The following NOS1AP variants were observed in gnomAD, a reference collection of about 807,000 sequenced individuals.
NOS1AP encodes nitric oxide synthase 1 adaptor protein.
A neutral mutation model predicts 56.2 loss-of-function variants in NOS1AP; 21 were observed. The ratio of observed to expected loss-of-function variants is 0.37; its 90% CI spans 0.26 to 0.54. The LOEUF (loss-of-function observed/expected upper bound fraction) is 0.54. NOS1AP is among the 20% of genes least tolerant of loss of function. The pLI, the probability that NOS1AP is intolerant of heterozygous loss-of-function variation, is 0.84. For synonymous variants in NOS1AP, 270 were observed against 274.6 expected (o/e 0.98, Z 0.17); for missense variants, 522 against 657.8 (o/e 0.79, Z 2.26).
chr1:162,158,622 T>C (rs1174236522), intron 2 of NOS1AP, among the ~76,000 whole-genome samples: 1 of 152,238 alleles, frequency 6.6e-6, no homozygotes, highest in Non-Finnish European at 1.5e-5. Context: ...CCTTGTTTAT[T>C]GTTTACCAGA....
At chr1:162,306,908 A>T (rs1655851300) in intron 4 of NOS1AP, among the ~76,000 whole-genome samples, 2 of 151,904 alleles carry the variant, frequency 1.3e-5, no homozygotes, top group Non-Finnish European at 2.9e-5. Context: ...CAGAGTGAGA[A>T]CCTGAGAGGC....
chr1:162,101,597 G>A (rs1262759259), intron 1 of NOS1AP, among the ~76,000 whole-genome samples: 1 of 152,124 alleles, frequency 6.6e-6, no homozygotes, highest in African/African-American at 2.4e-5. Flanking sequence ...CCATTTGTTT[G>A]TGTCCTCTCT....
At chr1:162,105,678 C>A (rs1254712921) in intron 1 of NOS1AP, among the ~76,000 whole-genome samples, 1 of 152,234 alleles carries the variant, frequency 6.6e-6, no homozygotes, top group African/African-American at 2.4e-5. Context: ...AAGAAGAAGT[C>A]TGGCCACGAT....
At chr1:162,321,304 G>A (rs1656405440) in intron 4 of NOS1AP, among the ~76,000 whole-genome samples, 1 of 152,094 alleles carries the variant, frequency 6.6e-6, no homozygotes, top group South Asian at 2.1e-4. Flanking sequence ...CAATAGCAAA[G>A]ACTTGGAACC....
chr1:162,236,103 C>T (rs945877070), intron 2 of NOS1AP, among the ~76,000 whole-genome samples: 7 of 152,110 alleles, frequency 4.6e-5, no homozygotes, highest in African/African-American at 1.7e-4. Context: ...TCATTCGTTC[C>T]ACAGATGTTA....
At chr1:162,339,288 G>A (rs1268854457) in intron 5 of NOS1AP, among the ~76,000 whole-genome samples, 1 of 152,074 alleles carries the variant, frequency 6.6e-6, no homozygotes, top group East Asian at 1.9e-4. Context: ...GCTGCTAATA[G>A]AAAATGGCTT....
Position 162,296,835 on chromosome 1 carries a change from T to G in NOS1AP, c.271-3798T>G, listed in dbSNP as rs148860776. 1.3e-3 allele frequency among the ~76,000 whole-genome samples: 194 copies of G among 152,334 alleles called. 2 individuals carry two copies. The highest frequency in any genetic ancestry group is 4.1e-3 in the African/African-American group (171 of 41,576). ...GGAAGAAACATGAACTGGCGCCCGA[T>G]GCATCCTCTCCCTCAGTGTTGCCAC... On this transcript the variant is annotated intron_variant, in intron 3 of 9. Coordinates refer to ENST00000361897, the MANE Select transcript of NOS1AP (RefSeq NM_014697.3).
intron 1 of NOS1AP, among the ~76,000 whole-genome samples, chr1:162,130,644 G>C (rs1398522055): frequency 6.6e-6 from 1 of 152,150 alleles, no homozygotes; most frequent in Admixed American, 6.5e-5. Flanking sequence ...GGCTTTTCTA[G>C]AGGCTTTTTA....
intron 2 of NOS1AP, among the ~76,000 whole-genome samples, chr1:162,229,295 A>G (rs1653043853): frequency 6.6e-6 from 1 of 152,206 alleles, no homozygotes; most frequent in African/African-American, 2.4e-5. Flanking sequence ...TTAGTAAGAT[A>G]CTGGTTAGAT....
In NOS1AP at chr1:162,261,342, G is replaced by A. The variant is rs889870910; in HGVS notation, c.178-26002G>A. Among the ~76,000 whole-genome samples, 6 of 137,034 alleles carry A rather than the reference G, an allele frequency of 4.4e-5. 1 individual carries two copies. Among genetic ancestry groups the A allele is most frequent in the African/African-American group, 1.1e-4 (4 of 35,444 alleles). The allele number at this position is 137,034 out of a possible 152,430, so 89.9% of individuals were successfully genotyped here. On this transcript the variant is annotated intron_variant, in intron 2 of 9. Transcript: ENST00000361897. ...TATCCTGATGTTACCTTCTATGGCA[G>A]CAGGGAGTTTGCAGATTCTTAATGT...
At chr1:162,226,302 G>A (rs1652939346) in intron 2 of NOS1AP, among the ~76,000 whole-genome samples, 1 of 152,098 alleles carries the variant, frequency 6.6e-6, no homozygotes, top group African/African-American at 2.4e-5. Context: ...GAAAAGAAAT[G>A]TTTATTGATT....
chr1:162,310,291 T>C (rs766648718), intron 4 of NOS1AP, among the ~76,000 whole-genome samples: 1 of 152,252 alleles, frequency 6.6e-6, no homozygotes, highest in Admixed American at 6.5e-5. Context: ...GGTTTATAAG[T>C]GATGGGGTGA....
intron 2 of NOS1AP, among the ~76,000 whole-genome samples, chr1:162,254,726 T>C (rs1273282016): frequency 6.6e-6 from 1 of 152,222 alleles, no homozygotes; most frequent in Non-Finnish European, 1.5e-5. Flanking sequence ...TGCCATAGTT[T>C]ATAGCATATT....
intron 1 of NOS1AP, among the ~76,000 whole-genome samples, chr1:162,088,061 T>C (rs544302674): frequency 8.8e-4 from 134 of 152,224 alleles, no homozygotes; most frequent in Non-Finnish European, 1.6e-3. Flanking sequence ...CAGAACTCTA[T>C]AGGGTCAAAT....
At chr1:162,356,935 G>A in intron 7 of NOS1AP, 25 bp from the exon 8 acceptor site, 2 of 1,613,856 alleles carry the variant, frequency 1.2e-6, no homozygotes, top group Non-Finnish European at 8.5e-7. Context: ...CACATGTCAT[G>A]TCCTGTCTTC....
rs561935461 is a variant in NOS1AP, at chr1:162,154,025, A to G, written c.106-380A>G. Reference sequence around the variant, plus strand: ...TTTGCCAATCACTTTTGTGTAGGACATTTTATTCTGTTTGATCTTTACTGA... The same window carrying G: ...TTTGCCAATCACTTTTGTGTAGGACGTTTTATTCTGTTTGATCTTTACTGA... On this transcript the variant is annotated intron_variant, in intron 1 of 9. Coordinates refer to ENST00000361897, the MANE Select transcript of NOS1AP (RefSeq NM_014697.3). Among the ~76,000 whole-genome samples, 4 of 148,540 alleles carry G rather than the reference A, an allele frequency of 2.7e-5. No individual in the cohort carries two copies. In the East Asian group the frequency reaches 7.9e-4, roughly 29 times the overall value.
At chr1:162,179,047 A>T (rs1054457649) in intron 2 of NOS1AP, among the ~76,000 whole-genome samples, 5 of 151,798 alleles carry the variant, frequency 3.3e-5, no homozygotes, top group African/African-American at 1.2e-4. Context: ...TGGCTGAAAA[A>T]TTTTGATAAC....
intron 1 of NOS1AP, among the ~76,000 whole-genome samples, chr1:162,125,130 C>CTTTTT (rs56264198): frequency 2.4e-4 from 30 of 124,136 alleles, no homozygotes; most frequent in African/African-American, 9.4e-4. Flanking sequence ...GTTTCTGACT[C>CTTTTT]TTTTTTTTTT....
chr1:162,311,517 A>C (rs1397690518), intron 4 of NOS1AP, among the ~76,000 whole-genome samples: 2 of 152,038 alleles, frequency 1.3e-5, no homozygotes, highest in Admixed American at 6.5e-5. Flanking sequence ...TTATATGTAC[A>C]TATTAGCACA....
Sources: gnomAD v4.1 joint callset for allele counts (sites outside exome capture counted in the v4.1 genomes callset) on GRCh38, gnomAD v4.1.1 for gene constraint, MANE v1.5 for transcripts, NCBI Gene and HGNC (gene_info 2026-07-23, HGNC 2026-07-21) for gene names.